Variants in PSMG3 observed in about 807,000 individuals in gnomAD.
PSMG3 encodes proteasome assembly chaperone 3, also known as PAC-3.
In PSMG3, 4 loss-of-function variants were observed where a neutral mutation model predicts 7.9. The observed-to-expected ratio is 0.51, with a 90% confidence interval of 0.25 to 1.16. The LOEUF is 1.16. PSMG3 is among the 50% of genes most tolerant of loss of function. The pLI is 0.15. For synonymous variants in PSMG3, 81 were observed against 69.8 expected, an observed-to-expected ratio of 1.16 and a Z score of -0.80; for missense variants, 151 against 157.4, an observed-to-expected ratio of 0.96 and a Z score of 0.22.
At position 1,569,326 on chromosome 7, in the gene PSMG3, G is replaced by T. The variant is rs773508284; in HGVS notation, c.14C>A (p.Pro5Gln). Residue 5 changes from proline to glutamine, a missense_variant, in exon 1 of 2, where the codon CCG becomes CAG. Physicochemically the swap from Pro to Gln is moderately conservative, Grantham distance 76. Coordinates refer to ENST00000288607, the MANE Select transcript of PSMG3 (RefSeq NM_032302.4). ...CGTCTTCTGCTTCGATATCACCAAC[G>T]GCGTGTCTTCCATGGCGGGGCTCTG... Reference protein sequence around the residue: MEDTPLVISKQKTEV... With the variant: MEDTQLVISKQKTEV... The T allele has an allele frequency of 1.9e-6, 3 of 1,607,328 alleles. No individual in the cohort carries two copies. Among genetic ancestry groups the T allele is most frequent in the East Asian group, 2.2e-5 (1 of 44,584 alleles).
chr7:1,569,310 C>T lies in PSMG3; in HGVS notation c.30G>A (p.Lys10=), dbSNP rs749719162. ...CCCCGCACACCACCTCCGTCTTCTG[C>T]TTCGATATCACCAACGGCGTGTCTT... The part of the protein sequence containing the change: MEDTPLVIS[K]QKTEVVCGVP... The change falls in exon 1 of 2, where the codon AAG becomes AAA. Residue 10 remains lysine, a synonymous_variant. Transcript: ENST00000288607. The T allele has an allele frequency of 4.7e-5, 75 of 1,610,740 alleles. No homozygotes were observed. Among genetic ancestry groups the T allele is most frequent in the Non-Finnish European group, 6.2e-5 (73 of 1,178,978 alleles).
rs1270363497 is a variant in PSMG3 at position 1,567,527 on chromosome 7, C to A, written c.*171G>T. ...ACCCTCCCCGTCATGCACAGATGAT[C>A]TTAGTAACCAGAGTAAGAGTCTGCC... On this transcript the variant is annotated 3_prime_UTR_variant, in exon 2 of 2. Coordinates refer to ENST00000288607, the MANE Select transcript of PSMG3 (RefSeq NM_032302.4). The A allele has an allele frequency of 1.8e-5, 11 of 603,952 alleles. No homozygotes were observed. The Admixed American group carries it at 3.6e-4, about 19-fold the overall frequency. 37.4% of individuals were successfully genotyped at this position (603,952 alleles called of 1,614,324 possible). A position where few individuals can be genotyped will look rare whatever the true frequency, so the allele number is the denominator to read the frequency against.
In PSMG3 at chr7:1,569,174, C is replaced by T. The variant is rs1457807672; in HGVS notation, c.166G>A (p.Asp56Asn). 5.6e-6 allele frequency: 9 copies of T among 1,613,468 alleles called. No individual in the cohort carries two copies. The highest frequency in any genetic ancestry group is 2.2e-5 in the East Asian group (1 of 44,898). Residue 56 changes from aspartate (D) to asparagine (N), a missense_variant, in exon 1 of 2, where the codon GAC (aspartate) becomes AAC (asparagine). Physicochemically the swap from Asp to Asn is conservative, Grantham distance 23. Coordinates refer to ENST00000288607, the MANE Select transcript of PSMG3 (RefSeq NM_032302.4). ...GTGGTGAGCACAGGCTTGCTGACGT[C>T]ACTGGCCACGCTGCTGGGCTCCAGG... The part of the protein sequence containing the change: ...VSLEPSSVAS[D>N]VSKPVLTTKV...
Position 1,569,680 on chromosome 7 carries a change from G to C in PSMG3, c.-341C>G, listed in dbSNP as rs560661058. 4.5e-6 allele frequency: 1 copy of C among 221,056 alleles called. No individual in the cohort carries two copies. Among genetic ancestry groups the C allele is most frequent in the Admixed American group, 5.2e-5 (1 of 19,274 alleles). The allele number at this position is 221,056 out of a possible 1,614,324, so 13.7% of individuals were successfully genotyped here. A position where few individuals can be genotyped will look rare whatever the true frequency, so the allele number is the denominator to read the frequency against. On this transcript the variant is annotated 5_prime_UTR_variant, in exon 1 of 2. Coordinates refer to ENST00000288607, the MANE Select transcript of PSMG3 (RefSeq NM_032302.4). ...CTCAGGAGGCTGAGGCGGGAAGATCGCTTCAGCCCGGGAGGTCGAGGCTGC... is the reference window on the plus strand; with the variant it reads ...CTCAGGAGGCTGAGGCGGGAAGATCCCTTCAGCCCGGGAGGTCGAGGCTGC...
In PSMG3 at chr7:1,569,984, G is replaced by A. The variant is rs558433779; in HGVS notation, c.-645C>T. On this transcript the variant is annotated 5_prime_UTR_variant, in exon 1 of 2. Coordinates refer to ENST00000288607, the MANE Select transcript of PSMG3 (RefSeq NM_032302.4). ...GCTACTGGGGACGCAGCCGCCCGGGGAAGCCCGCGGGTACCCGCGCTCACC... is the reference window on the plus strand; with the variant it reads ...GCTACTGGGGACGCAGCCGCCCGGGAAAGCCCGCGGGTACCCGCGCTCACC... 1 of 151,932 alleles carries A rather than the reference G, an allele frequency of 6.6e-6. No homozygotes were observed. The highest frequency in any genetic ancestry group is 1.5e-5 in the Non-Finnish European group (1 of 67,964). The allele number at this position is 151,932 out of a possible 1,614,324, so 9.4% of individuals were successfully genotyped here.
At position 1,569,269 on chromosome 7, in the gene PSMG3, A is replaced by G; in HGVS notation, c.71T>C (p.Val24Ala). 6.2e-7 allele frequency: 1 copy of G among 1,613,500 alleles called. No individual in the cohort carries two copies. Among genetic ancestry groups the G allele is most frequent in the Non-Finnish European group, 8.5e-7 (1 of 1,179,994 alleles). Residue 24 changes from valine to alanine, a missense_variant, in exon 1 of 2, where the codon GTG becomes GCG. Coordinates refer to ENST00000288607, the MANE Select transcript of PSMG3 (RefSeq NM_032302.4). ...GATGTGACTGCTGAAGGCCGTACAC[A>G]CCACCTGGGTGGGGACCCCGCACAC... ...EVVCGVPTQVVCTAFSSHILV... is the reference protein window; with the variant it reads ...EVVCGVPTQVACTAFSSHILV...
intron 1 of PSMG3, among the ~76,000 whole-genome samples, chr7:1,568,624 C>T (rs1377423645): frequency 6.6e-6 from 1 of 151,740 alleles, no homozygotes; most frequent in African/African-American, 2.4e-5. Context: ...CACCACTAGG[C>T]CCAGCTAATT....
In PSMG3 at chr7:1,567,779, G is replaced by A; in HGVS notation, c.288C>T (p.Leu96=). 6.2e-7 allele frequency: 1 copy of A among 1,614,180 alleles called. No individual in the cohort carries two copies. Among genetic ancestry groups the A allele is most frequent in the Non-Finnish European group, 8.5e-7 (1 of 1,180,010 alleles). The part of the protein sequence containing the change: ...VSQEAGNRAV[L]LAVAVKDKSM... Reference sequence around the variant, plus strand: ...TTTTGTCCTTCACGGCCACGGCGAGGAGGACTGCTCTGTTTCCAGCTTCTT... The same window carrying A: ...TTTTGTCCTTCACGGCCACGGCGAGAAGGACTGCTCTGTTTCCAGCTTCTT... Residue 96 remains leucine, a synonymous_variant, in exon 2 of 2, where the codon CTC becomes CTT. Coordinates refer to ENST00000288607, the MANE Select transcript of PSMG3 (RefSeq NM_032302.4).
At position 1,569,617 on chromosome 7, in the gene PSMG3, A is replaced by AC. The variant is rs1199470951; in HGVS notation, c.-279_-278insG. ...CCCCCATCTCTACCAAAAAAAAAAAAAAAAAAAACCAGCAGGGCGCGCCTG... is the reference window on the plus strand; with the variant it reads ...CCCCCATCTCTACCAAAAAAAAAAAACAAAAAAAACCAGCAGGGCGCGCCTG... On this transcript the variant is annotated 5_prime_UTR_variant, in exon 1 of 2. The change creates a premature stop within an existing upstream ORF in the 5' untranslated region. Transcript: ENST00000288607. 32 of 313,964 alleles carry AC rather than the reference A, an allele frequency of 1.0e-4. No individual in the cohort carries two copies. Among genetic ancestry groups the AC allele is most frequent in the African/African-American group, 6.3e-4 (29 of 46,290 alleles). 19.4% of individuals were successfully genotyped at this position (313,964 alleles called of 1,614,324 possible). A position where few individuals can be genotyped will look rare whatever the true frequency, so the allele number is the denominator to read the frequency against.
rs1038197073 is a variant in PSMG3 at position 1,569,977 on chromosome 7, G to A, written c.-638C>T. Reference sequence around the variant, plus strand: ...CGGCCGGGCTACTGGGGACGCAGCCGCCCGGGGAAGCCCGCGGGTACCCGC... The same window carrying A: ...CGGCCGGGCTACTGGGGACGCAGCCACCCGGGGAAGCCCGCGGGTACCCGC... On this transcript the variant is annotated 5_prime_UTR_variant, in exon 1 of 2. Transcript: ENST00000288607. 1 of 151,878 alleles carries A rather than the reference G, an allele frequency of 6.6e-6. No homozygotes were observed. The highest frequency in any genetic ancestry group is 2.4e-5 in the African/African-American group (1 of 41,410). 9.4% of individuals were successfully genotyped at this position (151,878 alleles called of 1,614,324 possible).
Position 1,567,371 on chromosome 7 carries a change from C to T in PSMG3, c.*327G>A, listed in dbSNP as rs1284343519. On this transcript the variant is annotated 3_prime_UTR_variant, in exon 2 of 2. Transcript: ENST00000288607. ...TTCGCTTTTAATAAAAAAGAAATTT[C>T]CTCCTACAATTGATCCTGCACACGG... is the stretch of plus-strand genomic sequence containing the variant. 1 of 244,744 alleles carries T rather than the reference C, an allele frequency of 4.1e-6. No individual in the cohort carries two copies. The highest frequency in any genetic ancestry group is 7.8e-6 in the Non-Finnish European group (1 of 128,926). 15.2% of individuals were successfully genotyped at this position (244,744 alleles called of 1,614,324 possible).
Position 1,567,480 on chromosome 7 carries a change from C to T in PSMG3, c.*218G>A, listed in dbSNP as rs879689317. On this transcript the variant is annotated 3_prime_UTR_variant, in exon 2 of 2. Transcript: ENST00000288607. ...TTCAGGTCCTGGTGAGAACCATTCA[C>T]GACTCCTCCGGGACCTGTTCCACCC... The T allele has an allele frequency of 2.4e-5, 11 of 449,642 alleles. No individual in the cohort carries two copies. Among genetic ancestry groups the T allele is most frequent in the Admixed American group, 2.1e-4 (5 of 24,004 alleles). 27.9% of individuals were successfully genotyped at this position (449,642 alleles called of 1,614,324 possible). A position where few individuals can be genotyped will look rare whatever the true frequency, so the allele number is the denominator to read the frequency against.
At chr7:1,568,445 C>T (rs1332004725) in intron 1 of PSMG3, among the ~76,000 whole-genome samples, 4 of 149,722 alleles carry the variant, frequency 2.7e-5, no homozygotes, top group Admixed American at 2.7e-4. Context: ...GGGTCCCTTC[C>T]TGACCACTTT....
At position 1,567,394 on chromosome 7, in the gene PSMG3, CG is replaced by C. The variant is rs559573899; in HGVS notation, c.*303del. On this transcript the variant is annotated 3_prime_UTR_variant, in exon 2 of 2. Coordinates refer to ENST00000288607, the MANE Select transcript of PSMG3 (RefSeq NM_032302.4). ...TTCCTCCTACAATTGATCCTGCACA[CG>C]GGGGGGCCATGAGCCACGCCTGCTG... 1.0e-4 allele frequency: 32 copies of C among 305,536 alleles called. No homozygotes were observed. The highest frequency in any genetic ancestry group is 2.2e-4 in the East Asian group (4 of 17,836). The allele number at this position is 305,536 out of a possible 1,614,324, so 18.9% of individuals were successfully genotyped here. A position where few individuals can be genotyped will look rare whatever the true frequency, so the allele number is the denominator to read the frequency against.
Position 1,569,351 on chromosome 7 carries a change from G to A in PSMG3, c.-12C>T, listed in dbSNP as rs375635583. 2 of 1,585,216 alleles carry A rather than the reference G, an allele frequency of 1.3e-6. No individual in the cohort carries two copies. The highest frequency in any genetic ancestry group is 1.3e-5 in the African/African-American group (1 of 74,114). On this transcript the variant is annotated 5_prime_UTR_variant, in exon 1 of 2. Coordinates refer to ENST00000288607, the MANE Select transcript of PSMG3 (RefSeq NM_032302.4). Reference sequence around the variant, plus strand: ...GGCGTGTCTTCCATGGCGGGGCTCTGCAGTGGCAGCTTTAATTTAGGTTAA... The same window carrying A: ...GGCGTGTCTTCCATGGCGGGGCTCTACAGTGGCAGCTTTAATTTAGGTTAA...
At chr7:1,567,896 G>T (rs752387103) in intron 1 of PSMG3, 46 bp from the exon 2 acceptor site, 214 of 1,592,066 alleles carry the variant, frequency 1.3e-4, no homozygotes, top group Middle Eastern at 1.7e-4. Flanking sequence ...AAGAAACCTG[G>T]TTTTTTCCTC....
At position 1,569,245 on chromosome 7, in the gene PSMG3, ATG is replaced by A; in HGVS notation, c.93_94del (p.Ile32ProfsTer24). ...CCCAAACTGGGTCACCACCACCAGG[ATG>A]TGACTGCTGAAGGCCGTACACACCA... On this transcript the variant is annotated frameshift_variant, in exon 1 of 2. Coordinates refer to ENST00000288607, the MANE Select transcript of PSMG3 (RefSeq NM_032302.4). LOFTEE classifies it high-confidence loss of function. 4.3e-6 allele frequency: 7 copies of A among 1,613,724 alleles called. No homozygotes were observed. Among genetic ancestry groups the A allele is most frequent in the Non-Finnish European group, 5.9e-6 (7 of 1,179,954 alleles).
Position 1,569,356 on chromosome 7 carries a change from G to A in PSMG3, c.-17C>T, listed in dbSNP as rs1583240751. On this transcript the variant is annotated 5_prime_UTR_variant, in exon 1 of 2. Transcript: ENST00000288607. ...GTCTTCCATGGCGGGGCTCTGCAGT[G>A]GCAGCTTTAATTTAGGTTAAAAAGA... 3 of 1,576,660 alleles carry A rather than the reference G, an allele frequency of 1.9e-6. No individual in the cohort carries two copies. Among genetic ancestry groups the A allele is most frequent in the Non-Finnish European group, 2.6e-6 (3 of 1,158,800 alleles).
chr7:1,569,506 G>T lies in PSMG3; in HGVS notation c.-167C>A. 1.7e-6 allele frequency: 1 copy of T among 591,168 alleles called. No individual in the cohort carries two copies. The highest frequency in any genetic ancestry group is 2.2e-5 in the South Asian group (1 of 46,246). The allele number at this position is 591,168 out of a possible 1,614,324, so 36.6% of individuals were successfully genotyped here. ...GAAGGGGCCAGGCGCGGTGGCTCAT[G>T]CCTGTCATCCCGGCACTTTGGGAGG... On this transcript the variant is annotated 5_prime_UTR_variant, in exon 1 of 2. Transcript: ENST00000288607.
Sources: allele counts gnomAD v4.1 joint callset (sites outside exome capture counted in the v4.1 genomes callset), GRCh38; gene constraint gnomAD v4.1.1; transcripts MANE v1.5; gene names NCBI Gene and HGNC (gene_info 2026-07-23, HGNC 2026-07-21).